Variants in BOC observed in about 807,000 individuals in gnomAD.
BOC encodes brother of CDO.
A neutral mutation model predicts 112.0 loss-of-function variants in BOC; 76 were observed. The observed-to-expected ratio is 0.68, with a 90% CI of 0.56 to 0.82. The LOEUF (loss-of-function observed/expected upper bound fraction) is 0.82. Among genes scored for constraint, BOC ranks in the 40% least tolerant of loss-of-function variants. The pLI is 0.00. For synonymous variants in BOC, 580 were observed against 599.8 expected, an observed-to-expected ratio of 0.97 and a Z score of 0.48; for missense variants, 1,309 against 1,511.7, an observed-to-expected ratio of 0.87 and a Z score of 2.22.
chr3:113,212,301 G>T (rs1938333512), intron 1 of BOC: 1 of 152,130 alleles, frequency 6.6e-6, no homozygotes, highest in African/African-American at 2.4e-5. Flanking sequence ...CAGGGGCGCC[G>T]CATCTCGTTC....
At chr3:113,248,868 CAA>C (rs1945264091) in intron 2 of BOC, among the ~76,000 whole-genome samples, 1 of 152,066 alleles carries the variant, frequency 6.6e-6, no homozygotes, top group Non-Finnish European at 1.5e-5. Context: ...AGCCTCAAAG[CAA>C]TGTTGTTCTG....
chr3:113,278,770 C>A lies in BOC; in HGVS notation c.1803C>A (p.His601Gln). 6.4e-7 allele frequency: 1 copy of A among 1,554,960 alleles called. No homozygotes were observed. The highest frequency in any genetic ancestry group is 8.7e-7 in the Non-Finnish European group (1 of 1,148,954). Residue 601 changes from histidine to glutamine, a missense_variant, in exon 11 of 20, where the codon CAC (histidine) becomes CAA (glutamine). By Grantham distance (24) the His-to-Gln change is conservative. Transcript: ENST00000682979. The surrounding 1 kb of genome is among the most constrained non-coding windows in gnomAD (Gnocchi z 4.2). Reference protein sequence around the residue: ...ASPQSSSQPDHGRLSPPEAPD... With the variant: ...ASPQSSSQPDQGRLSPPEAPD... ...CCCAGAGCAGCAGCCAGCCAGACCA[C>A]GGCCGCCTCTCCCGTAAGCCGCTAG...
Position 113,227,493 on chromosome 3 carries a change from A to G in BOC, c.-82+11219A>G, listed in dbSNP as rs115890908. On this transcript the variant is annotated intron_variant, in intron 2 of 19. Coordinates refer to ENST00000682979, the MANE Select transcript of BOC (RefSeq NM_001378074.1). Reference sequence around the variant, plus strand: ...GAGATTCAGGGAGATAGGCCCCTCAAGGTTTCCTCTGGCTGTGACCAGCAG... The same window carrying G: ...GAGATTCAGGGAGATAGGCCCCTCAGGGTTTCCTCTGGCTGTGACCAGCAG... Among the ~76,000 whole-genome samples, 959 of 152,338 alleles carry G rather than the reference A, an allele frequency of 6.3e-3. 7 individuals are homozygous for G. The highest frequency in any genetic ancestry group is 0.022 in the African/African-American group (919 of 41,576).
chr3:113,269,695 T>A (rs1182110094), intron 5 of BOC: 1 of 152,186 alleles, frequency 6.6e-6, no homozygotes, highest in Non-Finnish European at 1.5e-5. Context: ...CACTCAGAAC[T>A]AACTGGAGAC....
intron 2 of BOC, among the ~76,000 whole-genome samples, chr3:113,224,582 T>A (rs1368593109): frequency 2.0e-5 from 3 of 150,450 alleles, no homozygotes; most frequent in African/African-American, 7.3e-5. Flanking sequence ...GGGTGGGGGG[T>A]CACGTGGACC....
rs147556461 is a variant in BOC at position 113,274,376 on chromosome 3, C to T, written c.1236C>T (p.Ser412=). 3.2e-3 allele frequency: 4,919 copies of T among 1,515,842 alleles called. 11 individuals are homozygous for T. Among genetic ancestry groups the T allele is most frequent in the Admixed American group, 4.8e-3 (243 of 51,018 alleles). 93.9% of individuals were successfully genotyped at this position (1,515,842 alleles called of 1,614,324 possible). ...AVVQLRTSRP[S]ITPRLWQDAE... ...TTCTGCTTCCTGTTGGTCCTCCAGG[C>T]ATAACCCCAAGGCTATGGCAGGATG... Residue 412 remains serine (S), a splice_region_variant and synonymous_variant, in exon 9 of 20, where the codon AGC becomes AGT. Coordinates refer to ENST00000682979, the MANE Select transcript of BOC (RefSeq NM_001378074.1). This position sits in a 1 kb window ranked among gnomAD's most constrained non-coding sequence, Gnocchi z 4.8.
intron 2 of BOC, among the ~76,000 whole-genome samples, chr3:113,217,693 A>G (rs1174272656): frequency 2.6e-5 from 4 of 152,160 alleles, no homozygotes; most frequent in African/African-American, 9.7e-5. Context: ...TTCTTCCCTA[A>G]AACTCATTTT....
chr3:113,230,780 CA>C (rs1387437427), intron 2 of BOC, among the ~76,000 whole-genome samples: 3 of 152,054 alleles, frequency 2.0e-5, no homozygotes, highest in Non-Finnish European at 2.9e-5. Flanking sequence ...ATTTACAAAT[CA>C]GTAGGAAATT....
intron 2 of BOC, among the ~76,000 whole-genome samples, chr3:113,246,805 T>G (rs1001843627): frequency 1.3e-5 from 2 of 152,130 alleles, no homozygotes; most frequent in African/African-American, 4.8e-5. Context: ...GGTTAACTCC[T>G]TTCTCCCTCT....
At chr3:113,221,958 T>C (rs1211186688) in intron 2 of BOC, among the ~76,000 whole-genome samples, 9 of 152,206 alleles carry the variant, frequency 5.9e-5, no homozygotes, top group African/African-American at 1.9e-4. Context: ...CCAGGGGCTG[T>C]GTGCTTGCAT....
intron 12 of BOC, 172 bp from the exon 13 acceptor site, chr3:113,279,652 C>G: frequency 1.2e-6 from 1 of 838,068 alleles, no homozygotes; most frequent in Admixed American, 2.7e-5. Context: ...CCAGAGCCAT[C>G]TCCCCTGCAG....
chr3:113,248,138 C>T (rs1289159705), intron 2 of BOC, among the ~76,000 whole-genome samples: 1 of 152,164 alleles, frequency 6.6e-6, no homozygotes, highest in Admixed American at 6.5e-5. Flanking sequence ...GAGGGGTGCT[C>T]ATTGGGCAGT....
At chr3:113,285,977 G>A (rs1015157275) in intron 19 of BOC, among the ~76,000 whole-genome samples, 6 of 152,148 alleles carry the variant, frequency 3.9e-5, no homozygotes, top group African/African-American at 9.7e-5. Context: ...AAGGAATAAG[G>A]TTGCCTCAAT....
intron 5 of BOC, chr3:113,270,204 G>A (rs532192416): frequency 1.3e-5 from 2 of 152,242 alleles, no homozygotes; most frequent in African/African-American, 2.4e-5. Context: ...GCTATGACTG[G>A]TGGGAAGATT....
intron 2 of BOC, among the ~76,000 whole-genome samples, chr3:113,242,090 G>A (rs1351392584): frequency 1.3e-5 from 2 of 150,814 alleles, no homozygotes; most frequent in Non-Finnish European, 3.0e-5. Context: ...TTAAAGAACA[G>A]CACAATCACC....
At chr3:113,238,586 G>A (rs974225284) in intron 2 of BOC, among the ~76,000 whole-genome samples, 4 of 152,132 alleles carry the variant, frequency 2.6e-5, no homozygotes, top group South Asian at 2.1e-4. Flanking sequence ...TAATAGCTAC[G>A]TAATAGTCCA....
chr3:113,211,672 G>C lies in BOC; in HGVS notation c.-514G>C, dbSNP rs1457182416. 1 of 152,244 alleles carries C rather than the reference G, an allele frequency of 6.6e-6. No homozygotes were observed. The highest frequency in any genetic ancestry group is 1.5e-5 in the Non-Finnish European group (1 of 68,144). The allele number at this position is 152,244 out of a possible 1,614,324, so 9.4% of individuals were successfully genotyped here. On this transcript the variant is annotated 5_prime_UTR_variant, in exon 1 of 20. An upstream open reading frame in the 5' UTR loses its in-frame stop. Coordinates refer to ENST00000682979, the MANE Select transcript of BOC (RefSeq NM_001378074.1). ...CGCCGCTTTCTGCCGCGGGGACCCT[G>C]AGCCCCGGCCCGCCGGTGTCAGCCG...
At chr3:113,250,966 C>A in intron 4 of BOC, 133 bp downstream of exon 4, 1 of 1,178,074 alleles carries the variant, frequency 8.5e-7, no homozygotes, top group Non-Finnish European at 1.2e-6. Context: ...AATGTCAAAT[C>A]AGAACAGTAG....
chr3:113,270,499 C>A lies in BOC; in HGVS notation c.524-302C>A, dbSNP rs575809745. 3.0e-5 allele frequency: 9 copies of A among 300,848 alleles called. No homozygotes were observed. In the South Asian group the frequency reaches 5.9e-4, roughly 20 times the overall value. The allele number at this position is 300,848 out of a possible 1,614,324, so 18.6% of individuals were successfully genotyped here. A position where few individuals can be genotyped will look rare whatever the true frequency, so the allele number is the denominator to read the frequency against. On this transcript the variant is annotated intron_variant, in intron 5 of 19. Transcript: ENST00000682979. Reference sequence around the variant, plus strand: ...TTCCTTTCTAGCCTCCCTTAGCTCCCTTTAAAGTATAAAATGCTCTTCTAT... The same window carrying A: ...TTCCTTTCTAGCCTCCCTTAGCTCCATTTAAAGTATAAAATGCTCTTCTAT...
Sources: gnomAD v4.1 joint callset for allele counts (sites outside exome capture counted in the v4.1 genomes callset) on GRCh38, gnomAD v4.1.1 for gene constraint, Gnocchi (gnomAD v3.1) non-coding constraint, MANE v1.5 for transcripts, NCBI Gene and HGNC (gene_info 2026-07-23, HGNC 2026-07-21) for gene names.